The following PRKCB variants were observed in gnomAD, a reference collection of about 807,000 sequenced individuals.
PRKCB encodes protein kinase C beta.
In PRKCB, 13 loss-of-function variants were observed where a neutral mutation model predicts 81.5. The ratio of observed to expected loss-of-function variants is 0.16; its 90% CI spans 0.10 to 0.25. PRKCB has a LOEUF of 0.25. PRKCB is among the 10% of genes least tolerant of loss of function. The pLI is 1.00. For synonymous variants in PRKCB, 335 were observed against 321.4 expected, an observed-to-expected ratio of 1.04 and a Z score of -0.45; for missense variants, 509 against 875.7, an observed-to-expected ratio of 0.58 and a Z score of 5.29.
chr16:23,895,115 T>G (rs1963356944), intron 2 of PRKCB, among the ~76,000 whole-genome samples: 1 of 152,192 alleles, frequency 6.6e-6, no homozygotes, highest in African/African-American at 2.4e-5. Flanking sequence ...TGATCATTTT[T>G]GGTATACTTT....
At chr16:24,155,772 T>C (rs866670125) in intron 10 of PRKCB, among the ~76,000 whole-genome samples, 3 of 152,348 alleles carry the variant, frequency 2.0e-5, no homozygotes, top group Middle Eastern at 3.4e-3. Context: ...CTTTTATCTG[T>C]TCTATTATCT....
At chr16:23,875,953 G>C (rs1322196996) in intron 2 of PRKCB, among the ~76,000 whole-genome samples, 12 of 152,196 alleles carry the variant, frequency 7.9e-5, no homozygotes, top group Admixed American at 7.9e-4. Flanking sequence ...CTGAGAAGTA[G>C]CTGACTTTTT....
intron 2 of PRKCB, among the ~76,000 whole-genome samples, chr16:23,959,208 T>C (rs2141788032): frequency 6.6e-6 from 1 of 152,246 alleles, no homozygotes; most frequent in South Asian, 2.1e-4. Context: ...AAAGAAACAG[T>C]GTGCTTGAAA....
intron 2 of PRKCB, among the ~76,000 whole-genome samples, chr16:23,911,153 T>TTTTTTTTTTTTTTTTTTTA (rs57965434): frequency 7.1e-6 from 1 of 140,836 alleles, no homozygotes; most frequent in African/African-American, 2.7e-5. Flanking sequence ...TTTTTTTTTT[T>TTTTTTTTTTTTTTTTTTTA]GAGACAAGGT....
intron 2 of PRKCB, among the ~76,000 whole-genome samples, chr16:23,957,242 G>A (rs1340745984): frequency 6.6e-6 from 1 of 152,104 alleles, no homozygotes; most frequent in East Asian, 1.9e-4. Context: ...AGAAAAGAAA[G>A]TTTTAGGACA....
chr16:24,177,092 G>A (rs1324902604), intron 12 of PRKCB, among the ~76,000 whole-genome samples: 1 of 152,054 alleles, frequency 6.6e-6, no homozygotes, highest in Non-Finnish European at 1.5e-5. Flanking sequence ...GAACCAACTG[G>A]GTTCTTGAGA....
chr16:23,889,828 A>C (rs1963264291), intron 2 of PRKCB, among the ~76,000 whole-genome samples: 1 of 152,140 alleles, frequency 6.6e-6, no homozygotes, highest in Non-Finnish European at 1.5e-5. Context: ...ACCCAGTTCT[A>C]TCTCTGTCTC....
chr16:24,190,211 T>C (rs1967769140), intron 15 of PRKCB, among the ~76,000 whole-genome samples: 1 of 152,248 alleles, frequency 6.6e-6, no homozygotes, highest in Non-Finnish European at 1.5e-5. Context: ...GTTTTGACTA[T>C]TTAATGGGCT....
intron 2 of PRKCB, among the ~76,000 whole-genome samples, chr16:23,912,439 C>A (rs777476055): frequency 6.7e-6 from 1 of 150,108 alleles, no homozygotes; most frequent in Non-Finnish European, 1.5e-5. Context: ...GCTTGCCCTG[C>A]TTGCTGTTAC....
At chr16:24,092,438 T>A (rs1328508493) in intron 5 of PRKCB, among the ~76,000 whole-genome samples, 1 of 152,250 alleles carries the variant, frequency 6.6e-6, no homozygotes, top group Non-Finnish European at 1.5e-5. Flanking sequence ...AAAAATGAAG[T>A]GCTGATACAT....
intron 2 of PRKCB, among the ~76,000 whole-genome samples, chr16:23,899,425 G>A (rs935350253): frequency 1.6e-4 from 24 of 152,184 alleles, no homozygotes; most frequent in African/African-American, 5.3e-4. Flanking sequence ...TCTCTCTGCT[G>A]AGGATCAGGG....
At chr16:24,043,726 C>T (rs1477596572) in intron 5 of PRKCB, among the ~76,000 whole-genome samples, 4 of 152,134 alleles carry the variant, frequency 2.6e-5, no homozygotes, top group Non-Finnish European at 5.9e-5. Flanking sequence ...GCCAGGCCAG[C>T]GTCTGAGGCC....
chr16:23,981,684 C>T (rs748385029), intron 2 of PRKCB, among the ~76,000 whole-genome samples: 1,891 of 87,822 alleles, frequency 0.022, 42 homozygotes, highest in African/African-American at 0.062. Context: ...TCCCCTTCCC[C>T]TTCCCTTCCC....
At position 24,185,102 on chromosome 16, in the gene PRKCB, C is replaced by T; in HGVS notation, c.1534-9C>T. The T allele has an allele frequency of 6.2e-7, 1 of 1,613,400 alleles. No individual in the cohort carries two copies. Among genetic ancestry groups the T allele is most frequent in the Non-Finnish European group, 8.5e-7 (1 of 1,179,432 alleles). On this transcript the variant is annotated splice_polypyrimidine_tract_variant and intron_variant, in intron 13 of 16. Coordinates refer to ENST00000643927, the MANE Select transcript of PRKCB (RefSeq NM_002738.7). Reference sequence around the variant, plus strand: ...AAACCTCCCTGATAGGGTGCCTTCTCTTTTCTAGATAATTGCTTATCAGCC... The same window carrying T: ...AAACCTCCCTGATAGGGTGCCTTCTTTTTTCTAGATAATTGCTTATCAGCC...
At chr16:24,021,016 CTT>C (rs1313837163) in intron 3 of PRKCB, among the ~76,000 whole-genome samples, 6 of 139,816 alleles carry the variant, frequency 4.3e-5, no homozygotes, top group Admixed American at 2.1e-4. Context: ...TTCTTTCTTT[CTT>C]TCTTTCTTTC....
chr16:24,174,586 T>C lies in PRKCB; in HGVS notation c.1394+6T>C. 6.2e-7 allele frequency: 1 copy of C among 1,610,608 alleles called. No homozygotes were observed. Among genetic ancestry groups the C allele is most frequent in the South Asian group, 1.1e-5 (1 of 90,928 alleles). On this transcript the variant is annotated splice_donor_region_variant and intron_variant, in intron 12 of 16. Transcript: ENST00000643927. The stretch of plus-strand genomic sequence containing the variant: ...AGTAAGGGCATCATTTACCGGTAAG[T>C]GAACACTGCTGTACTTTCCATCTCT...
chr16:24,178,299 C>T (rs1001825508), intron 12 of PRKCB, among the ~76,000 whole-genome samples: 3 of 152,192 alleles, frequency 2.0e-5, no homozygotes. Context: ...AAAATAATTT[C>T]TCCATCCACC....
chr16:23,945,001 A>G (rs1164057743), intron 2 of PRKCB, among the ~76,000 whole-genome samples: 1 of 152,150 alleles, frequency 6.6e-6, no homozygotes, highest in Non-Finnish European at 1.5e-5. Flanking sequence ...TGGAAGAGAA[A>G]GAACGTCAGA....
chr16:24,009,938 G>A (rs1162050483), intron 3 of PRKCB, among the ~76,000 whole-genome samples: 1 of 152,114 alleles, frequency 6.6e-6, no homozygotes, highest in Non-Finnish European at 1.5e-5. Context: ...AATCGCTTGA[G>A]GTTGCGGTGA....
Sources: allele counts gnomAD v4.1 joint callset (sites outside exome capture counted in the v4.1 genomes callset), GRCh38; gene constraint gnomAD v4.1.1; transcripts MANE v1.5; gene names NCBI Gene and HGNC (gene_info 2026-07-23, HGNC 2026-07-21).